Variants in NOS2 observed in about 807,000 individuals in gnomAD.
NOS2 encodes nitric oxide synthase 2.
Under a neutral mutation model 136.0 loss-of-function variants are expected in NOS2, and 96 were observed. That is an observed-to-expected ratio of 0.71 (90% CI 0.60 to 0.84). NOS2 has a LOEUF of 0.84. Among genes scored for constraint, NOS2 ranks in the 40% least tolerant of loss-of-function variants. The pLI, the probability that NOS2 is intolerant of heterozygous loss-of-function variation, is 0.00. For missense variants in NOS2, 1,237 were observed against 1,496.9 expected (o/e 0.83, Z 2.87); for synonymous variants, 539 against 587.5 (o/e 0.92, Z 1.20).
At chr17:27,793,917 C>A (rs1487859051) in intron 2 of NOS2, 1 of 364,120 alleles carries the variant, frequency 2.7e-6, no homozygotes, top group Non-Finnish European at 4.9e-6. Flanking sequence ...GCGTCTGCCG[C>A]GGAGTTTGGA....
At chr17:27,772,185 A>T in intron 14 of NOS2, 123 bp downstream of exon 14, 1 of 1,058,610 alleles carries the variant, frequency 9.4e-7, no homozygotes, top group Non-Finnish European at 1.4e-6. Context: ...CTTCCAGATT[A>T]ATGATGCACA....
intron 2 of NOS2, 108 bp downstream of exon 2, chr17:27,798,592 A>G (rs1289257706): frequency 6.9e-6 from 5 of 727,250 alleles, no homozygotes; most frequent in Non-Finnish European, 1.2e-5. Context: ...AGGAGATCAG[A>G]CCTCAGGTGA....
Position 27,772,398 on chromosome 17 carries a change from T to C in NOS2, c.1614A>G (p.Arg538=). The C allele has an allele frequency of 6.2e-7, 1 of 1,614,080 alleles. No homozygotes were observed. Among genetic ancestry groups the C allele is most frequent in the Non-Finnish European group, 8.5e-7 (1 of 1,180,006 alleles). The change falls in exon 14 of 27, where the codon AGA becomes AGG. Residue 538 remains arginine, a synonymous_variant. Coordinates refer to ENST00000313735, the MANE Select transcript of NOS2 (RefSeq NM_000625.4). ...TCTCTGTCGCAAAGAGGATGGTGAC[T>C]CTGACTCGGGACGCCATTGTCTTGC... ...LMRKTMASRV[R]VTILFATETG... is the part of the protein sequence containing the mutation.
chr17:27,790,116 CAG>C (rs1414238981), intron 2 of NOS2, among the ~76,000 whole-genome samples: 2 of 152,212 alleles, frequency 1.3e-5, no homozygotes, highest in Admixed American at 1.3e-4. Flanking sequence ...TTTTTTGAAA[CAG>C]AGCCTTGCAC....
chr17:27,783,213 A>C (rs942968264), intron 5 of NOS2, 107 bp from the exon 6 acceptor site: 2 of 1,260,936 alleles, frequency 1.6e-6, no homozygotes, highest in African/African-American at 1.5e-5. Flanking sequence ...GAAGGGCAAG[A>C]TGCCTCTCAC....
chr17:27,775,627 A>T (rs1908636252), intron 11 of NOS2, among the ~76,000 whole-genome samples: 1 of 152,008 alleles, frequency 6.6e-6, no homozygotes, highest in African/African-American at 2.4e-5. Flanking sequence ...AAAAAAATTT[A>T]AAAATTAGCC....
In NOS2 at chr17:27,789,553, C is replaced by T. The variant is rs373130308; in HGVS notation, c.195+51G>A. 13 of 1,397,216 alleles carry T rather than the reference C, an allele frequency of 9.3e-6. No homozygotes were observed. In the African/African-American group the frequency reaches 1.3e-4, roughly 14 times the overall value. The allele number at this position is 1,397,216 out of a possible 1,614,324, so 86.6% of individuals were successfully genotyped here. A position where few individuals can be genotyped will look rare whatever the true frequency, so the allele number is the denominator to read the frequency against. On this transcript the variant is annotated intron_variant, in intron 3 of 26. Coordinates refer to ENST00000313735, the MANE Select transcript of NOS2 (RefSeq NM_000625.4). ...CTCTAACAGGCTGCTATGTCTGCAT[C>T]TGCCTGGACCAGGGAGGAAGGGGCT...
At chr17:27,764,241 G>A (rs1417656618) in intron 20 of NOS2, 97 bp from the exon 21 acceptor site, 4 of 715,172 alleles carry the variant, frequency 5.6e-6, no homozygotes, top group Admixed American at 7.6e-5. Context: ...CTATTCTCCA[G>A]CTGCAGGGGA....
chr17:27,799,795 A>C (rs1345785365), intron 1 of NOS2, among the ~76,000 whole-genome samples: 11 of 151,916 alleles, frequency 7.2e-5, no homozygotes, highest in Non-Finnish European at 1.5e-4. Flanking sequence ...GTTTCCAAAA[A>C]AAAAAAAGAA....
Position 27,788,877 on chromosome 17 carries a change from GC to G in NOS2, c.249del (p.His84MetfsTer2), listed in dbSNP as rs748409197. The G allele has an allele frequency of 6.2e-7, 1 of 1,614,130 alleles. No individual in the cohort carries two copies. The highest frequency in any genetic ancestry group is 1.3e-5 in the African/African-American group (1 of 75,068). ...CTGCCCCAGTTTTTGATCCTCACAT[GC>G]CGTGGGGAGGACAATGGGGTTGCAT... ...KLDATPLSSP[R>X]HVRIKNWGSG... On this transcript the variant is annotated frameshift_variant, in exon 4 of 27. Coordinates refer to ENST00000313735, the MANE Select transcript of NOS2 (RefSeq NM_000625.4). LOFTEE classifies it high-confidence loss of function.
At position 27,761,251 on chromosome 17, in the gene NOS2, T is replaced by C. The variant is rs768068579; in HGVS notation, c.2801-20A>G. On this transcript the variant is annotated intron_variant, in intron 22 of 26. Transcript: ENST00000313735. The stretch of plus-strand genomic sequence containing the variant: ...GGCCATCTGCAACGATACCACAAAG[T>C]GACCAACGTCCCCCCACTGCCCATG... 3 of 1,587,616 alleles carry C rather than the reference T, an allele frequency of 1.9e-6. No individual in the cohort carries two copies. In the Admixed American group the frequency reaches 5.3e-5, roughly 28 times the overall value.
At chr17:27,793,972 G>A (rs984508353) in intron 2 of NOS2, among the ~76,000 whole-genome samples, 1 of 152,228 alleles carries the variant, frequency 6.6e-6, no homozygotes, top group Non-Finnish European at 1.5e-5. Context: ...GTCGTGTTGG[G>A]CCTCGTGTTT....
At chr17:27,798,954 G>T in intron 1 of NOS2, 72 bp from the exon 2 acceptor site, 1 of 623,290 alleles carries the variant, frequency 1.6e-6, no homozygotes, top group Non-Finnish European at 2.9e-6. Context: ...AGTGGGGTTG[G>T]CTCACTGGGG....
At chr17:27,780,379 T>A (rs1291889528) in intron 9 of NOS2, among the ~76,000 whole-genome samples, 1 of 152,188 alleles carries the variant, frequency 6.6e-6, no homozygotes, top group Non-Finnish European at 1.5e-5. Context: ...ACTCTTGAAG[T>A]CACTGCAGCC....
Position 27,780,886 on chromosome 17 carries a change from C to A in NOS2, c.885G>T (p.Trp295Cys), listed in dbSNP as rs1332943464. The A allele has an allele frequency of 6.2e-7, 1 of 1,613,608 alleles. No homozygotes were observed. Among genetic ancestry groups the A allele is most frequent in the African/African-American group, 1.3e-5 (1 of 74,948 alleles). The part of the protein sequence containing the change: ...EFTQLCIDLG[W>C]KPKYGRFDVV... ...CATCGAAGCGGCCGTACTTGGGCTT[C>A]CAGCCCAGGTCGATGCACAGCTGGG... is the stretch of plus-strand genomic sequence containing the variant. Residue 295 changes from tryptophan to cysteine, a missense_variant, in exon 9 of 27, where the codon TGG (tryptophan) becomes TGT (cysteine). Physicochemically the swap from Trp to Cys is radical, Grantham distance 215. Around this residue, in one of 3 missense-constraint regions of NOS2, gnomAD observed 440 missense variants for 545.4 expected, o/e 0.81. Coordinates refer to ENST00000313735, the MANE Select transcript of NOS2 (RefSeq NM_000625.4).
At chr17:27,780,994 C>T in intron 8 of NOS2, 42 bp downstream of exon 8, 1 of 1,604,846 alleles carries the variant, frequency 6.2e-7, no homozygotes, top group Non-Finnish European at 8.5e-7. Context: ...CACCACGGGG[C>T]TCCCCGCCCC....
chr17:27,768,770 G>A lies in NOS2; in HGVS notation c.2034+207C>T, dbSNP rs575521262. Among the ~76,000 whole-genome samples the A allele has an allele frequency of 5.3e-5, 8 of 152,334 alleles. No individual in the cohort carries two copies. In the East Asian group the frequency reaches 9.6e-4, roughly 18 times the overall value. ...GTGCCACCTTCTCCCCCAGAGTTGT[G>A]TGCACAAGGTGGAGCTCTTCTAGGG... is the stretch of plus-strand genomic sequence containing the variant. On this transcript the variant is annotated intron_variant, in intron 17 of 26. Coordinates refer to ENST00000313735, the MANE Select transcript of NOS2 (RefSeq NM_000625.4).
In NOS2 at chr17:27,761,205, C is replaced by G. The variant is rs753799387; in HGVS notation, c.2827G>C (p.Val943Leu). 1.2e-6 allele frequency: 2 copies of G among 1,609,132 alleles called. No homozygotes were observed. Among genetic ancestry groups the G allele is most frequent in the Non-Finnish European group, 1.7e-6 (2 of 1,178,778 alleles). ...AGGCTGTTGAGCCATGTGCTGCAGA[C>G]GCCGTGGTGCAGGGGACCCTGGCCA... ...RDGQGPLHHG[V>L]CSTWLNSLKP... The change falls in exon 23 of 27, where the codon GTC (valine) becomes CTC (leucine). Residue 943 changes from valine (V) to leucine (L), a missense_variant. Physicochemically the swap from Val to Leu is conservative, Grantham distance 32 (BLOSUM62 1). This residue lies in a region of NOS2 where 782 missense variants were observed against 909.9 expected (regional missense o/e 0.86). Coordinates refer to ENST00000313735, the MANE Select transcript of NOS2 (RefSeq NM_000625.4).
In NOS2 at chr17:27,771,008, T is replaced by C. The variant is rs1453944946; in HGVS notation, c.1714A>G (p.Met572Val). The change falls in exon 15 of 27, where the codon ATG becomes GTG. Residue 572 changes from methionine (M) to valine (V), a missense_variant. By Grantham distance (21) the Met-to-Val change is conservative. This residue lies in a region of NOS2 where 782 missense variants were observed against 909.9 expected (regional missense o/e 0.86). Coordinates refer to ENST00000313735, the MANE Select transcript of NOS2 (RefSeq NM_000625.4). The part of the protein sequence containing the change: ...SCAFNPKVVC[M>V]DKYRLSCLEE... The stretch of plus-strand genomic sequence containing the variant: ...AGGCAGCTCAGCCTGTACTTATCCA[T>C]GCAGACAACCTGGATGGCACCCAAG... The C allele has an allele frequency of 3.7e-6, 6 of 1,613,810 alleles. No individual in the cohort carries two copies. Among genetic ancestry groups the C allele is most frequent in the East Asian group, 4.5e-5 (2 of 44,866 alleles).
Sources: gnomAD v4.1 joint callset for allele counts (sites outside exome capture counted in the v4.1 genomes callset) on GRCh38, gnomAD v4.1.1 for gene constraint, gnomAD v4.1.1 regional missense constraint, MANE v1.5 for transcripts, NCBI Gene and HGNC (gene_info 2026-07-23, HGNC 2026-07-21) for gene names.